Variants in FERMT1 observed in about 807,000 individuals in gnomAD.
The protein encoded by FERMT1 is fermitin family homolog 1.
FERMT1 carries 60 observed loss-of-function variants against 85.3 expected under a neutral mutation model. The ratio of observed to expected loss-of-function variants is 0.70; its 90% CI spans 0.57 to 0.87. The LOEUF (loss-of-function observed/expected upper bound fraction) is 0.87. Among genes scored for constraint, FERMT1 ranks in the 40% least tolerant of loss-of-function variants. The pLI, the probability that FERMT1 is intolerant of heterozygous loss-of-function variation, is 0.00. For missense variants in FERMT1, 701 were observed against 818.9 expected (o/e 0.86, Z 1.76); for synonymous variants, 275 against 301.1 (o/e 0.91, Z 0.90).
intron 6 of FERMT1, among the ~76,000 whole-genome samples, chr20:6,099,421 G>GAAAAT: frequency 6.8e-6 from 1 of 147,236 alleles, no homozygotes; most frequent in African/African-American, 2.6e-5. Flanking sequence ...AAAAAAAAAG[G>GAAAAT]AATTAAATTC....
In FERMT1 at chr20:6,083,903, C is replaced by G. The variant is rs1490867979; in HGVS notation, c.1718+137G>C. ...AATGTTTATGAGCAGCCCAAAGTGTCAGGACTATTTATAAAAGGGCAATAT... is the reference window on the plus strand; with the variant it reads ...AATGTTTATGAGCAGCCCAAAGTGTGAGGACTATTTATAAAAGGGCAATAT... On this transcript the variant is annotated intron_variant, in intron 13 of 14. Coordinates refer to ENST00000217289, the MANE Select transcript of FERMT1 (RefSeq NM_017671.5). 6 of 989,738 alleles carry G rather than the reference C, an allele frequency of 6.1e-6. No homozygotes were observed. In the Admixed American group the frequency reaches 1.2e-4, roughly 20 times the overall value. 61.3% of individuals were successfully genotyped at this position (989,738 alleles called of 1,614,324 possible). A position where few individuals can be genotyped will look rare whatever the true frequency, so the allele number is the denominator to read the frequency against.
chr20:6,092,635 C>T (rs1982399663), intron 9 of FERMT1, among the ~76,000 whole-genome samples: 1 of 152,176 alleles, frequency 6.6e-6, no homozygotes, highest in African/African-American at 2.4e-5. Context: ...GAACCCCATG[C>T]AAGGATGAAC....
At chr20:6,120,209 T>A (rs2123159210) in intron 1 of FERMT1, among the ~76,000 whole-genome samples, 1 of 152,328 alleles carries the variant, frequency 6.6e-6, no homozygotes, top group Non-Finnish European at 1.5e-5. Flanking sequence ...CATTATAATA[T>A]ATAGTTTTAC....
chr20:6,097,601 C>T lies in FERMT1; in HGVS notation c.880G>A (p.Glu294Lys). 1 of 1,613,890 alleles carries T rather than the reference C, an allele frequency of 6.2e-7. No individual in the cohort carries two copies. The highest frequency in any genetic ancestry group is 8.5e-7 in the Non-Finnish European group (1 of 1,179,900). Residue 294 changes from glutamate (E) to lysine (K), a missense_variant, in exon 7 of 15, where the codon GAG (glutamate) becomes AAG (lysine). Coordinates refer to ENST00000217289, the MANE Select transcript of FERMT1 (RefSeq NM_017671.5). ...YDAVRINQLYEQARWAILLEE... is the reference protein window; with the variant it reads ...YDAVRINQLYKQARWAILLEE... The stretch of plus-strand genomic sequence containing the variant: ...AAGAGAATGGCCCACCTGGCTTGCT[C>T]ATAGAGTTGGTTTATTCGGACAGCA...
chr20:6,076,795 C>A lies in FERMT1; in HGVS notation c.*378G>T. ...TGTTCTTGCTACACGTGATTTTTACCTTTCTGTCTTCTCCATTGACTTAGT... is the reference window on the plus strand; with the variant it reads ...TGTTCTTGCTACACGTGATTTTTACATTTCTGTCTTCTCCATTGACTTAGT... On this transcript the variant is annotated 3_prime_UTR_variant, in exon 15 of 15. Transcript: ENST00000217289. 1 of 347,324 alleles carries A rather than the reference C, an allele frequency of 2.9e-6. No homozygotes were observed. The highest frequency in any genetic ancestry group is 2.6e-5 in the South Asian group (1 of 37,906). 21.5% of individuals were successfully genotyped at this position (347,324 alleles called of 1,614,324 possible).
At chr20:6,084,259 A>G (rs1028623674) in intron 12 of FERMT1, 95 bp from the exon 13 acceptor site, 2 of 1,354,454 alleles carry the variant, frequency 1.5e-6, no homozygotes, top group Admixed American at 2.0e-5. Context: ...CAATACACTC[A>G]AGGTCCGTCT....
rs1416980760 is a variant in FERMT1, at chr20:6,087,737, T to C, written c.1371+40A>G. On this transcript the variant is annotated intron_variant, in intron 11 of 14. Coordinates refer to ENST00000217289, the MANE Select transcript of FERMT1 (RefSeq NM_017671.5). ...TTTTGGGTTTTGCTCTTAGGCTTAG[T>C]GGAGGTGAAGTGACTTAATATTTTT... 6.3e-6 allele frequency: 7 copies of C among 1,102,804 alleles called. No homozygotes were observed. In the Admixed American group the frequency reaches 1.2e-4, roughly 19 times the overall value. The allele number at this position is 1,102,804 out of a possible 1,614,324, so 68.3% of individuals were successfully genotyped here.
intron 10 of FERMT1, 74 bp downstream of exon 10, chr20:6,088,891 T>C: frequency 1.3e-6 from 2 of 1,488,892 alleles, no homozygotes; most frequent in East Asian, 4.8e-5. Flanking sequence ...CCCAAAGTGC[T>C]GGGATTACAG....
chr20:6,101,935 C>T lies in FERMT1; in HGVS notation c.850-4304G>A, dbSNP rs1285962925. Among the ~76,000 whole-genome samples, 125 of 152,290 alleles carry T rather than the reference C, an allele frequency of 8.2e-4. 1 individual carries two copies. Among genetic ancestry groups the T allele is most frequent in the Non-Finnish European group, 1.9e-4 (13 of 68,028 alleles). The stretch of plus-strand genomic sequence containing the variant: ...CCTCCCAAAGTGCTGGGATTACAGG[C>T]GTGAGCCACTGTGCCCGCCCTATGT... On this transcript the variant is annotated intron_variant, in intron 6 of 14. Coordinates refer to ENST00000217289, the MANE Select transcript of FERMT1 (RefSeq NM_017671.5).
Position 6,085,225 on chromosome 20 carries a change from T to C in FERMT1, c.1434A>G (p.Ala478=). ...GGACCTCTGGCTGGTAGGAGCTGTC[T>C]GCCATGGTTTTGCCCTTCGATGCCA... ...CMLASKGKTM[A]DSSYQPEVLN... The change falls in exon 12 of 15, where the codon GCA becomes GCG. Residue 478 remains alanine (A), a synonymous_variant. Transcript: ENST00000217289. 1.2e-6 allele frequency: 2 copies of C among 1,614,182 alleles called. No homozygotes were observed. The highest frequency in any genetic ancestry group is 1.7e-6 in the Non-Finnish European group (2 of 1,180,036).
intron 6 of FERMT1, among the ~76,000 whole-genome samples, chr20:6,102,993 T>C (rs1315955485): frequency 6.6e-6 from 1 of 152,218 alleles, no homozygotes; most frequent in Non-Finnish European, 1.5e-5. Context: ...AGATGTGCTT[T>C]TCCTGTACTG....
intron 6 of FERMT1, among the ~76,000 whole-genome samples, chr20:6,106,486 A>T (rs1266146166): frequency 6.6e-6 from 1 of 152,210 alleles, no homozygotes. Flanking sequence ...AATGGAAAAG[A>T]GCAACAGGCA....
Position 6,085,104 on chromosome 20 carries a change from CAA to C in FERMT1, c.1553_1554del (p.Phe518CysfsTer46), listed in dbSNP as rs748343093. On this transcript the variant is annotated frameshift_variant, in exon 12 of 15. Transcript: ENST00000217289. LOFTEE classifies it high-confidence loss of function. ...TGTCTTTTTGCACACCGTGGTGACA[CAA>C]AACATTCTGGGTTCATATCCATGTT... ...LENMDMNPEC[F>X]VSPRCAKRHK... is the part of the protein sequence containing the mutation. The C allele has an allele frequency of 1.2e-6, 2 of 1,614,172 alleles. No individual in the cohort carries two copies. Among genetic ancestry groups the C allele is most frequent in the African/African-American group, 2.7e-5 (2 of 75,040 alleles).
intron 13 of FERMT1, among the ~76,000 whole-genome samples, chr20:6,080,757 C>T (rs1307993448): frequency 6.6e-6 from 1 of 152,140 alleles, no homozygotes; most frequent in East Asian, 1.9e-4. Context: ...TTGCCTTCTA[C>T]TGAGATGAAG....
At position 6,097,592 on chromosome 20, in the gene FERMT1, T is replaced by G. The variant is rs779612399; in HGVS notation, c.889A>C (p.Arg297=). The change falls in exon 7 of 15, where the codon AGG becomes CGG. Residue 297 remains arginine, a synonymous_variant. Transcript: ENST00000217289. The part of the protein sequence containing the change: ...VRINQLYEQA[R]WAILLEEIDC... ...ATTTCTTCTAAGAGAATGGCCCACC[T>G]GGCTTGCTCATAGAGTTGGTTTATT... The G allele has an allele frequency of 6.2e-7, 1 of 1,614,080 alleles. No individual in the cohort carries two copies. Among genetic ancestry groups the G allele is most frequent in the Non-Finnish European group, 8.5e-7 (1 of 1,179,970 alleles).
intron 1 of FERMT1, chr20:6,120,236 T>C (rs1568667496): frequency 6.6e-6 from 1 of 152,220 alleles, no homozygotes; most frequent in Non-Finnish European, 1.5e-5. Context: ...TACATATAGA[T>C]ACAGGTCATT....
chr20:6,082,953 C>A (rs933931177), intron 13 of FERMT1, among the ~76,000 whole-genome samples: 13 of 152,130 alleles, frequency 8.5e-5, no homozygotes, highest in African/African-American at 2.9e-4. Context: ...AGCCACCGCG[C>A]CCAGCTGGAA....
chr20:6,086,958 C>A (rs975706777), intron 11 of FERMT1, among the ~76,000 whole-genome samples: 3 of 152,206 alleles, frequency 2.0e-5, no homozygotes, highest in Admixed American at 1.3e-4. Flanking sequence ...ACAACCTTCG[C>A]CATATAACTT....
At chr20:6,115,455 T>C (rs926235523) in intron 3 of FERMT1, among the ~76,000 whole-genome samples, 1 of 152,250 alleles carries the variant, frequency 6.6e-6, no homozygotes, top group African/African-American at 2.4e-5. Context: ...CATAGCTCTA[T>C]GGTGATTAAG....
Sources: allele counts gnomAD v4.1 joint callset (sites outside exome capture counted in the v4.1 genomes callset), GRCh38; gene constraint gnomAD v4.1.1; transcripts MANE v1.5; gene names NCBI Gene and HGNC (gene_info 2026-07-23, HGNC 2026-07-21).